TENM4: variants seen among roughly 807,000 people sequenced by gnomAD.
TENM4 encodes the protein teneurin transmembrane protein 4, also known as teneurin-4.
Under a neutral mutation model 243.3 loss-of-function variants are expected in TENM4, and 82 were observed. That is an observed-to-expected ratio of 0.34 (90% confidence interval 0.28 to 0.40). The LOEUF is 0.40. TENM4 is among the 10% of genes least tolerant of loss of function. The pLI is 1.00. For missense variants in TENM4, 3,138 were observed against 3,673.3 expected (o/e 0.85, Z 3.77); for synonymous variants, 1,412 against 1,456.3 (o/e 0.97, Z 0.69).
intron 9 of TENM4, among the ~76,000 whole-genome samples, chr11:78,863,565 A>C (rs1858879637): frequency 6.6e-6 from 1 of 152,254 alleles, no homozygotes. Flanking sequence ...AGAAATACAA[A>C]TAGCCCATAA....
chr11:79,432,251 A>G (rs1224971084), intron 1 of TENM4, among the ~76,000 whole-genome samples: 2 of 151,918 alleles, frequency 1.3e-5, no homozygotes, highest in Admixed American at 6.6e-5. Flanking sequence ...TTCCTCCCTC[A>G]TCTCTGTGTG....
At chr11:79,294,163 G>A (rs1252273889) in intron 2 of TENM4, among the ~76,000 whole-genome samples, 3 of 152,052 alleles carry the variant, frequency 2.0e-5, no homozygotes, top group Admixed American at 6.5e-5. Context: ...CAAAAATAAG[G>A]CATTATCATT....
At chr11:78,720,958 A>G (rs1859634345) in intron 24 of TENM4, among the ~76,000 whole-genome samples, 1 of 152,220 alleles carries the variant, frequency 6.6e-6, no homozygotes, top group African/African-American at 2.4e-5. Context: ...ATTTTTTTCA[A>G]ATTTCACTTA....
intron 12 of TENM4, among the ~76,000 whole-genome samples, chr11:78,832,016 T>A (rs578153378): frequency 9.5e-4 from 145 of 152,330 alleles, no homozygotes; most frequent in African/African-American, 3.4e-3. Context: ...GTACATTGCA[T>A]TGTGTCATTA....
chr11:78,856,294 T>C, intron 10 of TENM4, 116 bp from the exon 11 acceptor site: 1 of 911,444 alleles, frequency 1.1e-6, no homozygotes, highest in South Asian at 1.7e-5. Context: ...TTCTCTATAA[T>C]GTTCTGCTGT....
intron 4 of TENM4, among the ~76,000 whole-genome samples, chr11:79,087,303 G>A (rs1860830986): frequency 6.6e-6 from 1 of 152,178 alleles, no homozygotes; most frequent in Admixed American, 6.5e-5. Flanking sequence ...CATGCATTCC[G>A]AGGGTGAGAC....
intron 1 of TENM4, among the ~76,000 whole-genome samples, chr11:79,381,392 G>T (rs1025461877): frequency 6.6e-6 from 1 of 151,474 alleles, no homozygotes; most frequent in East Asian, 1.9e-4. Context: ...AATGCATCAG[G>T]TTTCTAAAAT....
At chr11:78,687,911 C>G (rs556128467) in intron 29 of TENM4, 143 bp downstream of exon 29, 38 of 922,272 alleles carry the variant, frequency 4.1e-5, no homozygotes, top group Non-Finnish European at 6.0e-5. Context: ...GTATATTTTG[C>G]AAATTAGGTG....
At chr11:79,151,169 A>C (rs1425939402) in intron 3 of TENM4, among the ~76,000 whole-genome samples, 11 of 152,154 alleles carry the variant, frequency 7.2e-5, no homozygotes, top group Non-Finnish European at 1.6e-4. Flanking sequence ...CTCTGAAGGG[A>C]AGGCCTTTAT....
At chr11:79,296,032 G>A (rs548098489) in intron 2 of TENM4, among the ~76,000 whole-genome samples, 95 of 151,900 alleles carry the variant, frequency 6.3e-4, no homozygotes, top group Middle Eastern at 3.4e-3. Context: ...CATCAACCAT[G>A]GTCATAATTC....
At chr11:79,426,251 T>C (rs1859046824) in intron 1 of TENM4, among the ~76,000 whole-genome samples, 1 of 152,188 alleles carries the variant, frequency 6.6e-6, no homozygotes, top group African/African-American at 2.4e-5. Flanking sequence ...CCACCAGGTA[T>C]AAGATATTCA....
chr11:79,085,154 C>T (rs1860775762), intron 4 of TENM4, among the ~76,000 whole-genome samples: 1 of 151,554 alleles, frequency 6.6e-6, no homozygotes, highest in Non-Finnish European at 1.5e-5. Context: ...GGGTGGATCA[C>T]GAGGTCAGGA....
At chr11:78,893,082 C>A (rs1448104144) in intron 7 of TENM4, among the ~76,000 whole-genome samples, 1 of 152,240 alleles carries the variant, frequency 6.6e-6, no homozygotes, top group African/African-American at 2.4e-5. Flanking sequence ...GGGACCTCCT[C>A]TTTTGGTGAG....
intron 12 of TENM4, among the ~76,000 whole-genome samples, chr11:78,823,387 G>C (rs907741311): frequency 4.6e-5 from 7 of 152,216 alleles, no homozygotes; most frequent in African/African-American, 1.7e-4. Context: ...ACGGTGCTCT[G>C]TGACACAGCC....
At chr11:78,890,277 A>C (rs1855632922) in intron 8 of TENM4, among the ~76,000 whole-genome samples, 1 of 152,244 alleles carries the variant, frequency 6.6e-6, no homozygotes. Flanking sequence ...ACGGCAAGGC[A>C]GAAGGTGTTA....
intron 28 of TENM4, among the ~76,000 whole-genome samples, chr11:78,695,416 G>A (rs1858935974): frequency 6.6e-6 from 1 of 152,196 alleles, no homozygotes. Context: ...CCAGGCTGGA[G>A]TGCAATGGCA....
At chr11:78,981,436 C>G (rs780880038) in intron 6 of TENM4, among the ~76,000 whole-genome samples, 1 of 152,182 alleles carries the variant, frequency 6.6e-6, no homozygotes, top group Non-Finnish European at 1.5e-5. Flanking sequence ...TACTGCCCTC[C>G]TAACAGAATC....
At chr11:78,688,003 G>A in intron 29 of TENM4, 51 bp downstream of exon 29, 1 of 1,588,004 alleles carries the variant, frequency 6.3e-7, no homozygotes. Flanking sequence ...TCCTCCAAAG[G>A]GGTCTTCCCA....
At chr11:78,833,967 T>A (rs532269350) in intron 12 of TENM4, among the ~76,000 whole-genome samples, 2 of 152,344 alleles carry the variant, frequency 1.3e-5, no homozygotes, top group South Asian at 4.1e-4. Context: ...TTCAGGAAGA[T>A]GAGTGACTTT....
Sources: allele counts gnomAD v4.1 joint callset (sites outside exome capture counted in the v4.1 genomes callset), GRCh38; gene constraint gnomAD v4.1.1; transcripts MANE v1.5; gene names NCBI Gene and HGNC (gene_info 2026-07-23, HGNC 2026-07-21).